The following DYNC2I1 variants were observed in gnomAD, a reference collection of about 807,000 sequenced individuals.
DYNC2I1 encodes dynein 2 intermediate chain 1.
Under a neutral mutation model 133.4 loss-of-function variants are expected in DYNC2I1, and 89 were observed. The observed-to-expected ratio is 0.67, with a 90% confidence interval of 0.56 to 0.80. The LOEUF (loss-of-function observed/expected upper bound fraction) is 0.80. DYNC2I1 is among the 30% of genes least tolerant of loss of function. The probability of loss-of-function intolerance (pLI) is 0.00; values close to 1 mark genes in which losing one functional copy is unlikely to be tolerated. For missense variants in DYNC2I1, 1,291 were observed against 1,314.5 expected, an observed-to-expected ratio of 0.98 and a Z score of 0.28; for synonymous variants, 504 against 484.3, an observed-to-expected ratio of 1.04 and a Z score of -0.54.
chr7:158,945,618 G>A lies in DYNC2I1; in HGVS notation c.3040G>A (p.Ala1014Thr). 3 of 1,610,148 alleles carry A rather than the reference G, an allele frequency of 1.9e-6. No homozygotes were observed. Among genetic ancestry groups the A allele is most frequent in the Non-Finnish European group, 1.7e-6 (2 of 1,178,558 alleles). ...GGCTGCGGTGGGTGAGCCTGAGAAG[G>A]CTGGTGGCAGCTTCCTGGCCCTGGT... ...AMAAVGEPEK[A>T]GGSFLALVLA... Residue 1014 changes from alanine (A) to threonine (T), a missense_variant, in exon 25 of 25, where the codon GCT (alanine) becomes ACT (threonine). Ala to Thr is a moderately conservative substitution (Grantham distance 58). Transcript: ENST00000407559. The surrounding 1 kb of genome is among the most constrained non-coding windows in gnomAD (Gnocchi z 4.1).
chr7:158,876,800 C>G (rs1463564078), intron 4 of DYNC2I1, 109 bp downstream of exon 4: 5 of 1,402,316 alleles, frequency 3.6e-6, no homozygotes, highest in Non-Finnish European at 4.7e-6. Flanking sequence ...GCCAGGATTT[C>G]AGTCCTGGAA....
chr7:158,911,022 C>T (rs921420276), intron 11 of DYNC2I1, among the ~76,000 whole-genome samples: 3 of 147,242 alleles, frequency 2.0e-5, no homozygotes, highest in South Asian at 2.2e-4. Flanking sequence ...GGGCCGAGGG[C>T]GATTGGCTGT....
intron 8 of DYNC2I1, among the ~76,000 whole-genome samples, chr7:158,899,052 C>T (rs994577874): frequency 6.6e-6 from 1 of 152,094 alleles, no homozygotes; most frequent in Non-Finnish European, 1.5e-5. Context: ...CCTGGACCCC[C>T]TGTGGATACT....
rs1849686617 is a variant in DYNC2I1, at chr7:158,926,937, G to A, written c.2434-55G>A. On this transcript the variant is annotated intron_variant, in intron 19 of 24. Coordinates refer to ENST00000407559, the MANE Select transcript of DYNC2I1 (RefSeq NM_018051.5). ...TTAATTAGAGCTATGCTTTGCTTAG[G>A]TTGTTTCATAATTATAAAATGTATC... 6 of 1,338,258 alleles carry A rather than the reference G, an allele frequency of 4.5e-6. No homozygotes were observed. In the Admixed American group the frequency reaches 1.0e-4, roughly 23 times the overall value. 82.9% of individuals were successfully genotyped at this position (1,338,258 alleles called of 1,614,324 possible).
intron 14 of DYNC2I1, among the ~76,000 whole-genome samples, chr7:158,915,534 CCTCGACACGG>C (rs1848048137): frequency 6.6e-6 from 1 of 151,630 alleles, no homozygotes; most frequent in African/African-American, 2.4e-5. Flanking sequence ...GATGGTGAAA[CCTCGACACGG>C]TGGTTGAGAT....
At chr7:158,919,444 A>G (rs1263337356) in intron 15 of DYNC2I1, among the ~76,000 whole-genome samples, 1 of 152,252 alleles carries the variant, frequency 6.6e-6, no homozygotes, top group Non-Finnish European at 1.5e-5. Context: ...TGCAAGACCA[A>G]ACTGAAATTT....
the DYNC2I1 span, among the ~76,000 whole-genome samples, chr7:158,850,783 C>T: frequency 6.6e-6 from 1 of 151,826 alleles, no homozygotes; most frequent in Non-Finnish European, 1.5e-5. Context: ...GAATATGGTG[C>T]CAAAAAAAGA....
intron 7 of DYNC2I1, among the ~76,000 whole-genome samples, chr7:158,889,570 A>G (rs1244006281): frequency 6.6e-6 from 1 of 152,108 alleles, no homozygotes; most frequent in East Asian, 1.9e-4. Context: ...TGGCATTGTT[A>G]ACTAGAATTA....
At chr7:158,932,463 G>A (rs771563434) in intron 21 of DYNC2I1, among the ~76,000 whole-genome samples, 2 of 152,136 alleles carry the variant, frequency 1.3e-5, no homozygotes, top group South Asian at 2.1e-4. Context: ...TCTGTCTGCC[G>A]TGCTAAAGGG....
the DYNC2I1 span, among the ~76,000 whole-genome samples, chr7:158,847,416 A>G: frequency 4.6e-5 from 7 of 152,284 alleles, no homozygotes; most frequent in African/African-American, 1.2e-4. Flanking sequence ...AGAAAAAATT[A>G]TATAGATTAA....
intron 5 of DYNC2I1, among the ~76,000 whole-genome samples, chr7:158,881,601 G>A (rs990545394): frequency 6.6e-6 from 1 of 152,010 alleles, no homozygotes; most frequent in Non-Finnish European, 1.5e-5. Context: ...CTACAGGCAT[G>A]TGCCACCACT....
intron 23 of DYNC2I1, among the ~76,000 whole-genome samples, chr7:158,935,449 A>T (rs958483181): frequency 2.0e-5 from 3 of 152,282 alleles, no homozygotes; most frequent in Non-Finnish European, 2.9e-5. Flanking sequence ...GTTATAACTC[A>T]GATATCCCCT....
chr7:158,938,399 T>C (rs1399102449), intron 23 of DYNC2I1, among the ~76,000 whole-genome samples: 2 of 152,192 alleles, frequency 1.3e-5, no homozygotes, highest in East Asian at 3.8e-4. Flanking sequence ...GAGGGAGGGT[T>C]AAAGTCTTTC....
At chr7:158,870,400 C>T (rs1214711315) in intron 2 of DYNC2I1, among the ~76,000 whole-genome samples, 2 of 152,230 alleles carry the variant, frequency 1.3e-5, no homozygotes, top group East Asian at 3.9e-4. Flanking sequence ...TTTGCCTAGG[C>T]CGGAGTGCAG....
intron 6 of DYNC2I1, among the ~76,000 whole-genome samples, chr7:158,884,912 A>G (rs1373042282): frequency 6.6e-6 from 1 of 152,092 alleles, no homozygotes; most frequent in African/African-American, 2.4e-5. Flanking sequence ...CTCAGGATCT[A>G]CTTTTGTCCT....
chr7:158,889,349 G>A (rs1407942825), intron 7 of DYNC2I1, among the ~76,000 whole-genome samples: 1 of 150,712 alleles, frequency 6.6e-6, no homozygotes, highest in Non-Finnish European at 1.5e-5. Flanking sequence ...CAAAGTGCTG[G>A]GATTACAGGT....
chr7:158,854,951 G>C (rs1440505476), upstream of DYNC2I1, among the ~76,000 whole-genome samples: 1 of 152,238 alleles, frequency 6.6e-6, no homozygotes, highest in Non-Finnish European at 1.5e-5. Flanking sequence ...CAAGGTGCCC[G>C]GCCCTGCCTT....
chr7:158,931,182 A>G (rs1203239372), intron 21 of DYNC2I1, among the ~76,000 whole-genome samples: 3 of 152,242 alleles, frequency 2.0e-5, no homozygotes, highest in Non-Finnish European at 4.4e-5. Context: ...GCTTTTACTC[A>G]TATAACTTAA....
At chr7:158,937,317 A>AT (rs978690236) in intron 23 of DYNC2I1, among the ~76,000 whole-genome samples, 2 of 152,230 alleles carry the variant, frequency 1.3e-5, no homozygotes, top group African/African-American at 4.8e-5. Context: ...GTGAGATCAA[A>AT]ACAGGCTATT....
Sources: allele counts gnomAD v4.1 joint callset (sites outside exome capture counted in the v4.1 genomes callset), GRCh38; gene constraint gnomAD v4.1.1; non-coding constraint Gnocchi (gnomAD v3.1); transcripts MANE v1.5; gene names NCBI Gene and HGNC (gene_info 2026-07-23, HGNC 2026-07-21).